Variants in ARHGAP10 observed in about 807,000 individuals in gnomAD.
The protein encoded by ARHGAP10 is Rho GTPase activating protein 10.
A neutral mutation model predicts 108.6 loss-of-function variants in ARHGAP10; 87 were observed. The ratio of observed to expected loss-of-function variants is 0.80; its 90% CI spans 0.67 to 0.96. The LOEUF is 0.96. Ranked by LOEUF, ARHGAP10 falls within the 40% of genes least tolerant of loss-of-function variation. ARHGAP10 has a pLI of 0.00. For missense variants in ARHGAP10, 939 were observed against 954.5 expected (o/e 0.98, Z 0.21); for synonymous variants, 347 against 341.1 (o/e 1.02, Z -0.19).
intron 18 of ARHGAP10, among the ~76,000 whole-genome samples, chr4:147,995,873 C>T (rs567892120): frequency 7.2e-5 from 11 of 152,168 alleles, no homozygotes; most frequent in Admixed American, 1.3e-4. Flanking sequence ...CCCGCCACTA[C>T]GCCTGGCTAA....
At chr4:147,743,174 C>G (rs1728762906) in intron 1 of ARHGAP10, among the ~76,000 whole-genome samples, 1 of 151,772 alleles carries the variant, frequency 6.6e-6, no homozygotes, top group Non-Finnish European at 1.5e-5. Flanking sequence ...GCTGGGATTA[C>G]AGGCGTGCAC....
At chr4:147,939,753 G>A in intron 13 of ARHGAP10, 72 bp from the exon 14 acceptor site, 1 of 1,323,136 alleles carries the variant, frequency 7.6e-7, no homozygotes, top group Non-Finnish European at 1.1e-6. Flanking sequence ...CAAAGATTTT[G>A]AATGCAACTG....
Position 147,965,018 on chromosome 4 carries a change from TG to T in ARHGAP10, c.1451-4del. 1 of 1,529,500 alleles carries T rather than the reference TG, an allele frequency of 6.5e-7. No individual in the cohort carries two copies. Among genetic ancestry groups the T allele is most frequent in the East Asian group, 2.3e-5 (1 of 43,094 alleles). The allele number at this position is 1,529,500 out of a possible 1,614,324, so 94.7% of individuals were successfully genotyped here. ...TTTTTCTTTATTATTATTTTTTTTT[TG>T]GAAGAAAGCGGCAGCCCAGAATCTC... On this transcript the variant is annotated splice_polypyrimidine_tract_variant and splice_region_variant and intron_variant, in intron 16 of 22. Coordinates refer to ENST00000336498, the MANE Select transcript of ARHGAP10 (RefSeq NM_024605.4).
chr4:147,745,636 C>T (rs184393205), intron 1 of ARHGAP10, among the ~76,000 whole-genome samples: 178 of 151,934 alleles, frequency 1.2e-3, no homozygotes, highest in Non-Finnish European at 1.8e-3. Context: ...GGACTACAGG[C>T]GCCCACAACC....
intron 15 of ARHGAP10, among the ~76,000 whole-genome samples, chr4:147,949,030 T>C (rs1212508080): frequency 1.3e-5 from 2 of 152,102 alleles, no homozygotes; most frequent in Non-Finnish European, 2.9e-5. Context: ...ATATTCTTTC[T>C]GTTGTTTCCC....
intron 1 of ARHGAP10, among the ~76,000 whole-genome samples, chr4:147,798,604 A>G (rs1207884820): frequency 6.7e-6 from 1 of 150,248 alleles, no homozygotes; most frequent in Non-Finnish European, 1.5e-5. Context: ...ACATGATGAA[A>G]CCCCGTCTCT....
chr4:147,840,007 T>C (rs943160389), intron 3 of ARHGAP10, among the ~76,000 whole-genome samples: 12 of 152,218 alleles, frequency 7.9e-5, no homozygotes, highest in African/African-American at 2.4e-4. Context: ...CATGGAAATG[T>C]ACTTTGTACT....
At chr4:147,912,553 ATATAT>A in intron 12 of ARHGAP10, among the ~76,000 whole-genome samples, 2 of 256 alleles carry the variant, frequency 7.8e-3, no homozygotes, top group African/African-American at 0.01. Context: ...AAACAAATAT[ATATAT>A]ATATATATAT....
intron 1 of ARHGAP10, among the ~76,000 whole-genome samples, chr4:147,744,557 T>TG (rs1380075257): frequency 2.7e-5 from 4 of 150,644 alleles, no homozygotes; most frequent in Non-Finnish European, 3.0e-5. Flanking sequence ...GACTGGAGGT[T>TG]GGGGGGTCAG....
At chr4:147,759,834 C>T (rs374513583) in intron 1 of ARHGAP10, among the ~76,000 whole-genome samples, 15 of 152,264 alleles carry the variant, frequency 9.9e-5, no homozygotes, top group African/African-American at 3.1e-4. Flanking sequence ...CCACAACCCT[C>T]GCCTTCCAGG....
At chr4:147,744,777 G>T (rs1014923192) in intron 1 of ARHGAP10, among the ~76,000 whole-genome samples, 1 of 152,098 alleles carries the variant, frequency 6.6e-6, no homozygotes, top group Non-Finnish European at 1.5e-5. Context: ...AAGGTATTTC[G>T]TAGTAGCCAG....
intron 1 of ARHGAP10, among the ~76,000 whole-genome samples, chr4:147,771,031 C>A (rs1301684954): frequency 6.6e-6 from 1 of 152,122 alleles, no homozygotes; most frequent in Non-Finnish European, 1.5e-5. Flanking sequence ...GATTAGGGCC[C>A]ACCCTAATGA....
intron 13 of ARHGAP10, among the ~76,000 whole-genome samples, chr4:147,924,519 AGAAAAT>A (rs1471029412): frequency 1.3e-5 from 2 of 152,358 alleles, no homozygotes; most frequent in South Asian, 2.1e-4. Context: ...GGTAGTTGTC[AGAAAAT>A]GACAATGGTA....
intron 13 of ARHGAP10, 42 bp downstream of exon 13, chr4:147,913,181 A>T: frequency 1.3e-6 from 2 of 1,560,712 alleles, no homozygotes; most frequent in Non-Finnish European, 1.8e-6. Flanking sequence ...GGCTATAGGT[A>T]TGTAAAATCT....
intron 12 of ARHGAP10, among the ~76,000 whole-genome samples, chr4:147,910,605 A>T (rs574506797): frequency 5.9e-5 from 9 of 152,266 alleles, no homozygotes; most frequent in Admixed American, 5.2e-4. Context: ...TCAAATATTC[A>T]AGGACAACGA....
chr4:147,821,163 G>A (rs4240339), intron 1 of ARHGAP10, among the ~76,000 whole-genome samples: 135,556 of 152,108 alleles, frequency 0.89, 60,529 homozygotes, highest in Admixed American at 0.93. Flanking sequence ...TTCTCGTGAA[G>A]GACTGAGGGT....
At chr4:147,943,794 C>G (rs543540937) in intron 14 of ARHGAP10, among the ~76,000 whole-genome samples, 6 of 152,066 alleles carry the variant, frequency 3.9e-5, no homozygotes, top group Non-Finnish European at 7.4e-5. Flanking sequence ...CTGCCTAGTC[C>G]CAGTGCATTC....
Position 147,946,613 on chromosome 4 carries a change from C to G in ARHGAP10, c.1304-4C>G. 1 of 1,610,524 alleles carries G rather than the reference C, an allele frequency of 6.2e-7. No homozygotes were observed. The highest frequency in any genetic ancestry group is 1.7e-4 in the Middle Eastern group (1 of 6,052). ...TATTTTTTTCTTGTTTGCTTGCTCA[C>G]TAGATGTAAAAACATGCAATGAGGT... On this transcript the variant is annotated splice_region_variant and splice_polypyrimidine_tract_variant and intron_variant, in intron 14 of 22. Coordinates refer to ENST00000336498, the MANE Select transcript of ARHGAP10 (RefSeq NM_024605.4).
chr4:148,064,361 T>G (rs922257575), intron 21 of ARHGAP10, 55 bp from the exon 22 acceptor site: 43 of 1,541,794 alleles, frequency 2.8e-5, no homozygotes, highest in South Asian at 1.6e-4. Flanking sequence ...GGGGTGAAGT[T>G]TCTCTCTGTT....
Sources: gnomAD v4.1 joint callset for allele counts (sites outside exome capture counted in the v4.1 genomes callset) on GRCh38, gnomAD v4.1.1 for gene constraint, MANE v1.5 for transcripts, NCBI Gene and HGNC (gene_info 2026-07-23, HGNC 2026-07-21) for gene names.